The following NBPF3 variants were observed in gnomAD, a reference collection of about 807,000 sequenced individuals.
NBPF3 encodes NBPF member 3.
Under a neutral mutation model 78.1 loss-of-function variants are expected in NBPF3, and 57 were observed. The ratio of observed to expected loss-of-function variants is 0.73; its 90% CI spans 0.59 to 0.91. NBPF3 has a LOEUF of 0.91. Ranked by LOEUF, NBPF3 falls within the 40% of genes least tolerant of loss-of-function variation. The probability of loss-of-function intolerance (pLI) is 0.00; values close to 1 mark genes in which losing one functional copy is unlikely to be tolerated. For synonymous variants in NBPF3, 182 were observed against 271.7 expected (o/e 0.67, Z 3.25); for missense variants, 510 against 715.3 (o/e 0.71, Z 3.27).
At chr1:21,438,011 G>A (rs960058844), upstream of NBPF3, among the ~76,000 whole-genome samples, 1 of 152,006 alleles carries the variant, frequency 6.6e-6, no homozygotes, top group African/African-American at 2.4e-5. Flanking sequence ...GTAGAGATGG[G>A]GTTTCTCCAT....
At chr1:21,442,007 T>G (rs1640680607) in intron 1 of NBPF3, among the ~76,000 whole-genome samples, 4 of 152,214 alleles carry the variant, frequency 2.6e-5, no homozygotes, top group Admixed American at 2.6e-4. Flanking sequence ...TGAGTATCTT[T>G]TATTGCCATT....
upstream of NBPF3, among the ~76,000 whole-genome samples, chr1:21,438,178 TCTC>T (rs1460331101): frequency 6.6e-6 from 1 of 151,434 alleles, no homozygotes. Context: ...AGTGACATGA[TCTC>T]AGCTCACTGC....
At chr1:21,447,216 G>A (rs1641039600) in intron 2 of NBPF3, among the ~76,000 whole-genome samples, 1 of 152,214 alleles carries the variant, frequency 6.6e-6, no homozygotes, top group Non-Finnish European at 1.5e-5. Context: ...TATGTTTTAT[G>A]AGTGTGGTCC....
intron 2 of NBPF3, 69 bp from the exon 3 acceptor site, chr1:21,468,619 A>T: frequency 6.2e-7 from 1 of 1,610,776 alleles, no homozygotes; most frequent in Non-Finnish European, 8.5e-7. Context: ...GACATCCCTC[A>T]GTCCTGATTA....
chr1:21,467,140 T>A (rs1403238575), intron 2 of NBPF3: 1 of 985,148 alleles, frequency 1.0e-6, no homozygotes, highest in Non-Finnish European at 1.2e-6. Flanking sequence ...AAAATACATT[T>A]ACTTAAAGCC....
At chr1:21,447,432 A>T (rs1197396888) in intron 2 of NBPF3, among the ~76,000 whole-genome samples, 1 of 151,788 alleles carries the variant, frequency 6.6e-6, no homozygotes, top group Non-Finnish European at 1.5e-5. Flanking sequence ...CCTCTCCTCC[A>T]CCCCTGACAA....
chr1:21,469,447 C>A (rs908394492), intron 3 of NBPF3, among the ~76,000 whole-genome samples: 1 of 152,108 alleles, frequency 6.6e-6, no homozygotes, highest in Non-Finnish European at 1.5e-5. Context: ...GGAGTAGGGG[C>A]CGTGCACGGT....
chr1:21,450,099 C>T (rs1375773806), intron 2 of NBPF3, among the ~76,000 whole-genome samples: 4 of 152,302 alleles, frequency 2.6e-5, no homozygotes, highest in African/African-American at 4.8e-5. Context: ...TGGAATGAAG[C>T]GGCTGGGTTC....
At chr1:21,464,715 A>T (rs1570025762) in intron 2 of NBPF3, among the ~76,000 whole-genome samples, 1 of 151,684 alleles carries the variant, frequency 6.6e-6, no homozygotes, top group Non-Finnish European at 1.5e-5. Flanking sequence ...AAGAAAGTAA[A>T]AGCATTTCAG....
intron 2 of NBPF3, chr1:21,459,780 G>A (rs1558487090): frequency 6.3e-6 from 2 of 317,762 alleles, no homozygotes; most frequent in Admixed American, 3.5e-5. Context: ...CATGGTGACA[G>A]TGACATTGAA....
chr1:21,465,192 C>A (rs1299175898), intron 2 of NBPF3, among the ~76,000 whole-genome samples: 1 of 152,196 alleles, frequency 6.6e-6, no homozygotes, highest in Non-Finnish European at 1.5e-5. Flanking sequence ...CCAGGACTTA[C>A]AACAAGGGGA....
At chr1:21,449,959 T>TC (rs956184818) in intron 2 of NBPF3, 1 of 250,394 alleles carries the variant, frequency 4.0e-6, no homozygotes, top group African/African-American at 2.3e-5. Context: ...ATTGATTTTT[T>TC]CTCTGAGAGG....
chr1:21,451,150 G>A (rs1053296023), intron 2 of NBPF3, among the ~76,000 whole-genome samples: 3 of 152,140 alleles, frequency 2.0e-5, no homozygotes, highest in Non-Finnish European at 4.4e-5. Flanking sequence ...CATCCATGTT[G>A]TTTTATGTGT....
At chr1:21,436,791 G>A, upstream of NBPF3, 2 of 1,143,286 alleles carry the variant, frequency 1.7e-6, no homozygotes, top group Non-Finnish European at 2.2e-6. The surrounding 1 kb of genome is among the most constrained non-coding windows in gnomAD (Gnocchi z 4.3). Context: ...CCTTGCACAA[G>A]CACCAGCTGC....
chr1:21,472,618 C>T (rs1309481281), intron 5 of NBPF3, among the ~76,000 whole-genome samples: 1 of 152,202 alleles, frequency 6.6e-6, no homozygotes, highest in African/African-American at 2.4e-5. Flanking sequence ...AGCAAAAGGT[C>T]TTTTCAGTAT....
intron 1 of NBPF3, among the ~76,000 whole-genome samples, chr1:21,441,461 CT>C (rs1308618204): frequency 6.6e-6 from 1 of 152,140 alleles, no homozygotes; most frequent in Non-Finnish European, 1.5e-5. Context: ...AATCCCAGCA[CT>C]TTGGGACGCC....
intron 2 of NBPF3, among the ~76,000 whole-genome samples, chr1:21,467,845 A>G (rs1373894758): frequency 2.0e-5 from 3 of 152,206 alleles, no homozygotes. Context: ...ATCAACCCAC[A>G]TAGAGGAAGA....
chr1:21,444,493 G>A (rs1202698496), intron 1 of NBPF3, among the ~76,000 whole-genome samples: 1 of 152,164 alleles, frequency 6.6e-6, no homozygotes, highest in Admixed American at 6.5e-5. Context: ...TGGAATTCTT[G>A]TTCACTAAGA....
At chr1:21,468,526 A>G (rs1642401658) in intron 2 of NBPF3, 162 bp from the exon 3 acceptor site, 4 of 1,490,262 alleles carry the variant, frequency 2.7e-6, no homozygotes, top group Non-Finnish European at 3.6e-6. Context: ...CACCTCGAAC[A>G]TTGTTTTTGT....
Sources: gnomAD v4.1 joint callset for allele counts (sites outside exome capture counted in the v4.1 genomes callset) on GRCh38, gnomAD v4.1.1 for gene constraint, Gnocchi (gnomAD v3.1) non-coding constraint, MANE v1.5 for transcripts, NCBI Gene and HGNC (gene_info 2026-07-23, HGNC 2026-07-21) for gene names.